The following GEMIN8 variants were observed in gnomAD, a reference collection of about 807,000 sequenced individuals.
GEMIN8 encodes gem nuclear organelle associated protein 8, also known as gem-associated protein 8.
For missense variants in GEMIN8, 185 were observed against 205.9 expected, an observed-to-expected ratio of 0.90 and a Z score of 0.62; for synonymous variants, 80 against 78.5, an observed-to-expected ratio of 1.02 and a Z score of -0.10.
chrX:13,989,248 C>A, the GEMIN8 span, among the ~76,000 whole-genome samples: 1 of 110,149 alleles, frequency 9.1e-6, no homozygotes, highest in Non-Finnish European at 1.9e-5. Flanking sequence ...GCCACCAACC[C>A]TGGCTAATTT....
chrX:13,991,712 G>T, the GEMIN8 span, among the ~76,000 whole-genome samples: 1 of 97,550 alleles, frequency 1.0e-5, no homozygotes, highest in Admixed American at 1.1e-4. Context: ...TGACATACAC[G>T]CACACACACA....
At chrX:14,025,924 G>T in intron 2 of GEMIN8, 1 of 237,048 alleles carries the variant, frequency 4.2e-6, no homozygotes, top group Non-Finnish European at 6.0e-6. Flanking sequence ...GGTCCGATTA[G>T]CTTTTTTAAG....
chrX:14,028,609 C>A (rs1924816465), intron 1 of GEMIN8, among the ~76,000 whole-genome samples: 1 of 99,185 alleles, frequency 1.0e-5, no homozygotes, highest in Non-Finnish European at 2.1e-5. Flanking sequence ...TCTCATCTCA[C>A]CCTATCCTTT....
At chrX:14,017,979 C>T (rs12013137) in intron 4 of GEMIN8, among the ~76,000 whole-genome samples, 5 of 112,136 alleles carry the variant, frequency 4.5e-5, no homozygotes, top group African/African-American at 1.6e-4. Context: ...TAATATGAAA[C>T]ACAGAGATGA....
chrX:14,003,222 T>G (rs1366946322), downstream of GEMIN8, among the ~76,000 whole-genome samples: 1 of 112,759 alleles, frequency 8.9e-6, no homozygotes, highest in Non-Finnish European at 1.9e-5. Flanking sequence ...TCAGCTCCTG[T>G]GCTTTGAAGA....
intron 4 of GEMIN8, among the ~76,000 whole-genome samples, chrX:14,011,621 ACAGT>A (rs1923558057): frequency 1.0e-5 from 1 of 100,115 alleles, no homozygotes; most frequent in Non-Finnish European, 2.0e-5. Context: ...GGCAGAGCCC[ACAGT>A]CAGAGTTCCC....
chrX:14,021,814 G>A (rs375006804), intron 2 of GEMIN8, among the ~76,000 whole-genome samples: 2 of 78,274 alleles, frequency 2.6e-5, no homozygotes, highest in African/African-American at 5.2e-5. Context: ...TAATGTGTGT[G>A]TATATATATA....
intron 4 of GEMIN8, among the ~76,000 whole-genome samples, chrX:14,016,860 A>AT (rs1284335450): frequency 4.3e-4 from 34 of 79,011 alleles, no homozygotes; most frequent in South Asian, 1.3e-3. Context: ...AAAAAAAAAA[A>AT]AAAAAAATAT....
the GEMIN8 span, among the ~76,000 whole-genome samples, chrX:13,999,033 T>G: frequency 8.1e-5 from 9 of 111,562 alleles, no homozygotes; most frequent in East Asian, 2.8e-4. Context: ...GTGGAACAAG[T>G]ATAACTGATA....
intron 1 of GEMIN8, chrX:14,027,096 TTCCAAGGAATCTCTCTGTACATGCAA>T (rs1924736445): frequency 1.8e-5 from 2 of 112,794 alleles, no homozygotes; most frequent in South Asian, 7.2e-4. Flanking sequence ...TCATATGCGG[TTCCAAGGAATCTCTCTGTACATGCAA>T]TAATAACCCT....
chrX:14,002,097 CAAAAAAAAAAAAAA>C (rs59550732), downstream of GEMIN8, among the ~76,000 whole-genome samples: 1 of 23,632 alleles, frequency 4.2e-5, no homozygotes, highest in African/African-American at 1.7e-4. Context: ...TGCACTCCAG[CAAAAAAAAAAAAAA>C]AAAAAAAAAA....
At chrX:14,011,839 T>C (rs1923573159) in intron 4 of GEMIN8, among the ~76,000 whole-genome samples, 1 of 110,041 alleles carries the variant, frequency 9.1e-6, no homozygotes, top group Admixed American at 9.7e-5. Context: ...CTTTTGCATC[T>C]TTTTTTTTCT....
At chrX:13,995,963 C>A in the GEMIN8 span, among the ~76,000 whole-genome samples, 3 of 112,013 alleles carry the variant, frequency 2.7e-5, no homozygotes, top group Non-Finnish European at 5.6e-5. Context: ...CCTACCCTGT[C>A]ATTTTCTAAC....
At chrX:14,024,414 G>A (rs1924560495) in intron 2 of GEMIN8, among the ~76,000 whole-genome samples, 1 of 111,604 alleles carries the variant, frequency 9.0e-6, no homozygotes, top group South Asian at 3.8e-4. Flanking sequence ...CACAAGAATT[G>A]CTTGAACCCA....
chrX:14,005,969 G>A (rs945839243), downstream of GEMIN8, among the ~76,000 whole-genome samples: 2 of 110,550 alleles, frequency 1.8e-5, no homozygotes, highest in African/African-American at 3.3e-5. Flanking sequence ...AGGTGGCCTT[G>A]TTAAAAGGCC....
At chrX:14,010,155 G>A (rs980802509) in intron 4 of GEMIN8, among the ~76,000 whole-genome samples, 12 of 112,240 alleles carry the variant, frequency 1.1e-4, no homozygotes, top group Admixed American at 5.7e-4. Context: ...ACTGCAAGTG[G>A]TATCATTACA....
intron 2 of GEMIN8, among the ~76,000 whole-genome samples, chrX:14,021,978 GTATA>G (rs1254232030): frequency 1.0e-5 from 1 of 97,517 alleles, no homozygotes; most frequent in African/African-American, 3.8e-5. Context: ...ATATATGTGT[GTATA>G]TATAATGTAT....
chrX:14,018,291 G>A (rs957181670), intron 4 of GEMIN8, among the ~76,000 whole-genome samples: 4 of 112,281 alleles, frequency 3.6e-5, no homozygotes, highest in Non-Finnish European at 7.5e-5. Context: ...TTTCTTTGGT[G>A]CAAGGACACA....
chrX:14,012,859 G>GC (rs1030825072), intron 4 of GEMIN8, among the ~76,000 whole-genome samples: 1 of 109,400 alleles, frequency 9.1e-6, no homozygotes, highest in African/African-American at 3.3e-5. Context: ...AGGGGCTATG[G>GC]GGGGGGGCAC....
Sources: gnomAD v4.1 joint callset for allele counts (sites outside exome capture counted in the v4.1 genomes callset) on GRCh38, gnomAD v4.1.1 for gene constraint, MANE v1.5 for transcripts, NCBI Gene and HGNC (gene_info 2026-07-23, HGNC 2026-07-21) for gene names.